Variants in EPHB2 observed in about 807,000 individuals in gnomAD.
EPHB2 encodes EPH receptor B2.
A neutral mutation model predicts 96.4 loss-of-function variants in EPHB2; 18 were observed. That is an observed-to-expected ratio of 0.19 (90% confidence interval 0.13 to 0.28). The LOEUF (loss-of-function observed/expected upper bound fraction) is 0.28. Among genes scored for constraint, EPHB2 ranks in the 10% least tolerant of loss-of-function variants. EPHB2 has a pLI of 1.00. For missense variants in EPHB2, 989 were observed against 1,355.4 expected (o/e 0.73, Z 4.25); for synonymous variants, 506 against 534.1 (o/e 0.95, Z 0.72).
At chr1:22,754,427 A>G (rs1485998518) in intron 1 of EPHB2, among the ~76,000 whole-genome samples, 1 of 152,132 alleles carries the variant, frequency 6.6e-6, no homozygotes, top group Non-Finnish European at 1.5e-5. Context: ...TATAAATACA[A>G]CAGAGGCAGG....
rs989643798 is a variant in EPHB2, at chr1:22,916,957, C to G, written c.*3387C>G. The G allele has an allele frequency of 1.3e-5, 2 of 152,162 alleles. No homozygotes were observed. The highest frequency in any genetic ancestry group is 4.8e-5 in the African/African-American group (2 of 41,414). The allele number at this position is 152,162 out of a possible 1,614,324, so 9.4% of individuals were successfully genotyped here. On this transcript the variant is annotated 3_prime_UTR_variant, in exon 16 of 16. Transcript: ENST00000374630. The surrounding 1 kb of genome is among the most constrained non-coding windows in gnomAD (Gnocchi z 4.2). The stretch of plus-strand genomic sequence containing the variant: ...CAGTCCTCTCCCTCGGGGATGATAT[C>G]CAAAATATCAACTGCGAAGACTCGG...
At chr1:22,792,924 G>T (rs975138450) in intron 3 of EPHB2, among the ~76,000 whole-genome samples, 6 of 152,314 alleles carry the variant, frequency 3.9e-5, no homozygotes, top group Admixed American at 1.3e-4. Flanking sequence ...GGGAGCGTCA[G>T]CCAGGAACAG....
chr1:22,894,590 C>A (rs1436460464), intron 7 of EPHB2, among the ~76,000 whole-genome samples: 2 of 150,720 alleles, frequency 1.3e-5, no homozygotes, highest in Admixed American at 1.3e-4. Flanking sequence ...GAGTGAAACT[C>A]CCACTCCAAA....
At chr1:22,812,878 G>A (rs916412729) in intron 3 of EPHB2, among the ~76,000 whole-genome samples, 30 of 152,140 alleles carry the variant, frequency 2.0e-4, no homozygotes, top group African/African-American at 7.2e-4. Context: ...ACGACTTGGT[G>A]GATGGACTGA....
intron 3 of EPHB2, among the ~76,000 whole-genome samples, chr1:22,856,991 C>T (rs771272665): frequency 1.3e-4 from 20 of 152,186 alleles, no homozygotes; most frequent in Admixed American, 5.2e-4. Context: ...ATTGGCTGAA[C>T]ACCTACCATG....
chr1:22,876,111 G>A (rs191612041), intron 5 of EPHB2, among the ~76,000 whole-genome samples: 1 of 152,334 alleles, frequency 6.6e-6, no homozygotes, highest in East Asian at 1.9e-4. Context: ...GTCATCAACA[G>A]GGAGTGAAGA....
At chr1:22,876,559 C>T (rs1298562718) in intron 5 of EPHB2, among the ~76,000 whole-genome samples, 1 of 152,158 alleles carries the variant, frequency 6.6e-6, no homozygotes, top group Non-Finnish European at 1.5e-5. Flanking sequence ...CTGCCCCTCT[C>T]GGCCACAAGC....
chr1:22,863,749 G>A (rs567746845), intron 4 of EPHB2, among the ~76,000 whole-genome samples: 1 of 152,328 alleles, frequency 6.6e-6, no homozygotes, highest in Non-Finnish European at 1.5e-5. Flanking sequence ...GATGGCCTTT[G>A]GGGCCTGGCT....
At chr1:22,899,950 C>T (rs1639696710) in intron 9 of EPHB2, among the ~76,000 whole-genome samples, 2 of 152,024 alleles carry the variant, frequency 1.3e-5, no homozygotes, top group Admixed American at 1.3e-4. Context: ...ACCATGGTCT[C>T]ACCACTGCAC....
intron 1 of EPHB2, among the ~76,000 whole-genome samples, chr1:22,737,981 C>T (rs757353255): frequency 1.6e-4 from 25 of 152,166 alleles, no homozygotes; most frequent in Admixed American, 2.6e-4. Flanking sequence ...CAGGCCAGAA[C>T]AAGGCAGCTC....
chr1:22,898,704 GGAAGAATCC>G (rs895141059), intron 9 of EPHB2, among the ~76,000 whole-genome samples: 3 of 152,158 alleles, frequency 2.0e-5, no homozygotes, highest in Non-Finnish European at 4.4e-5. Context: ...GGTGGCTGTT[GGAAGAATCC>G]AGGGAAGACA....
At chr1:22,876,955 G>A (rs923662434) in intron 5 of EPHB2, among the ~76,000 whole-genome samples, 6 of 149,734 alleles carry the variant, frequency 4.0e-5, no homozygotes, top group African/African-American at 1.5e-4. Flanking sequence ...GCCAGGCCCA[G>A]ACCCCCAAGG....
chr1:22,806,892 G>A (rs1022446543), intron 3 of EPHB2, among the ~76,000 whole-genome samples: 3 of 150,350 alleles, frequency 2.0e-5, no homozygotes, highest in East Asian at 2.0e-4. Context: ...GCCCCCCCTC[G>A]TCACCACCCC....
chr1:22,826,596 C>T (rs376560262), intron 3 of EPHB2, among the ~76,000 whole-genome samples: 1 of 152,238 alleles, frequency 6.6e-6, no homozygotes, highest in Non-Finnish European at 1.5e-5. Flanking sequence ...AGACCATTTC[C>T]GTTTCTAAAG....
At chr1:22,804,082 G>T (rs905743935) in intron 3 of EPHB2, among the ~76,000 whole-genome samples, 1 of 152,314 alleles carries the variant, frequency 6.6e-6, no homozygotes, top group South Asian at 2.1e-4. Context: ...GAGAAAACAG[G>T]TTCCAAGAGG....
intron 1 of EPHB2, among the ~76,000 whole-genome samples, chr1:22,735,278 A>T (rs549846317): frequency 2.0e-5 from 3 of 151,398 alleles, no homozygotes; most frequent in African/African-American, 7.3e-5. Context: ...TCTCTACTAA[A>T]TTTTTTTTTA....
chr1:22,842,371 G>A (rs549059219), intron 3 of EPHB2, among the ~76,000 whole-genome samples: 1 of 152,256 alleles, frequency 6.6e-6, no homozygotes, highest in South Asian at 2.1e-4. Context: ...CGCGTGGGGT[G>A]TTACCGAAGG....
intron 7 of EPHB2, among the ~76,000 whole-genome samples, chr1:22,894,290 CA>C (rs1639483745): frequency 6.6e-6 from 1 of 152,152 alleles, no homozygotes; most frequent in Non-Finnish European, 1.5e-5. Flanking sequence ...CTGTTCTGGT[CA>C]GTGAGACAGT....
chr1:22,896,940 A>G (rs190119929), intron 9 of EPHB2, among the ~76,000 whole-genome samples: 1 of 152,362 alleles, frequency 6.6e-6, no homozygotes, highest in East Asian at 1.9e-4. Context: ...TTTGCAGAAT[A>G]AATAAATGAA....
Sources: allele counts gnomAD v4.1 joint callset (sites outside exome capture counted in the v4.1 genomes callset), GRCh38; gene constraint gnomAD v4.1.1; non-coding constraint Gnocchi (gnomAD v3.1); transcripts MANE v1.5; gene names NCBI Gene and HGNC (gene_info 2026-07-23, HGNC 2026-07-21).